The following REV1 variants were observed in gnomAD, a reference collection of about 807,000 sequenced individuals.
REV1 encodes the protein REV1 DNA directed polymerase.
A neutral mutation model predicts 137.4 loss-of-function variants in REV1; 42 were observed. The observed-to-expected ratio is 0.31, with a 90% CI of 0.24 to 0.40. The LOEUF is 0.40. Among genes scored for constraint, REV1 ranks in the 10% least tolerant of loss-of-function variants. REV1 has a pLI of 1.00. For synonymous variants in REV1, 524 were observed against 519.2 expected, an observed-to-expected ratio of 1.01 and a Z score of -0.12; for missense variants, 1,282 against 1,490.1, an observed-to-expected ratio of 0.86 and a Z score of 2.30.
intron 9 of REV1, chr2:99,424,897 G>A (rs1247905379): frequency 3.1e-6 from 4 of 1,299,514 alleles, no homozygotes; most frequent in African/African-American, 3.0e-5. Flanking sequence ...AACTTTGAGG[G>A]ACCTAATTGA....
chr2:99,401,897 C>CA (rs909708352), intron 22 of REV1, among the ~76,000 whole-genome samples: 11 of 151,842 alleles, frequency 7.2e-5, no homozygotes, highest in Admixed American at 1.3e-4. Context: ...GCACCACCAC[C>CA]CCCCCAGATT....
rs779427509 is a variant in REV1 at position 99,405,976 on chromosome 2, A to C, written c.2745T>G (p.Gly915=). Residue 915 remains glycine (G), a synonymous_variant, in exon 17 of 23, where the codon GGT becomes GGG. Transcript: ENST00000258428. ...ACTGCACACTGACAGGAGTATGTAG[A>C]CCATTCCATTTCCCTGAAGACTCAG... ...NKAESSGKWN[G]LHTPVSVQSR... is the part of the protein sequence containing the mutation. The C allele has an allele frequency of 6.2e-7, 1 of 1,614,034 alleles. No individual in the cohort carries two copies. Among genetic ancestry groups the C allele is most frequent in the Non-Finnish European group, 8.5e-7 (1 of 1,179,944 alleles).
intron 18 of REV1, 46 bp downstream of exon 18, chr2:99,404,398 G>A (rs570932158): frequency 1.9e-5 from 28 of 1,503,710 alleles, no homozygotes; most frequent in Middle Eastern, 3.4e-4. Flanking sequence ...GAGCAGGGGG[G>A]TGAGAATATT....
intron 2 of REV1, 59 bp from the exon 3 acceptor site, chr2:99,462,681 G>GAAA: frequency 7.2e-7 from 1 of 1,389,000 alleles, no homozygotes; most frequent in African/African-American, 1.5e-5. Context: ...CCCCTTTTTT[G>GAAA]AAAAAAAAAA....
intron 4 of REV1, among the ~76,000 whole-genome samples, chr2:99,445,102 C>T (rs1575124292): frequency 6.7e-6 from 1 of 149,988 alleles, no homozygotes; most frequent in African/African-American, 2.5e-5. Context: ...CTTACTCTTG[C>T]TTTGTCCTAC....
At position 99,429,965 on chromosome 2, in the gene REV1, A is replaced by T; in HGVS notation, c.1439-17T>A. On this transcript the variant is annotated splice_polypyrimidine_tract_variant and intron_variant, in intron 8 of 22. Transcript: ENST00000258428. Reference sequence around the variant, plus strand: ...GTATATCTGCTTTAAAAATAAAAAAAAATTAATGGTTATATGTTATAAACT... The same window carrying T: ...GTATATCTGCTTTAAAAATAAAAAATAATTAATGGTTATATGTTATAAACT... 1 of 1,468,154 alleles carries T rather than the reference A, an allele frequency of 6.8e-7. No individual in the cohort carries two copies. The highest frequency in any genetic ancestry group is 9.3e-7 in the Non-Finnish European group (1 of 1,076,508). 90.9% of individuals were successfully genotyped at this position (1,468,154 alleles called of 1,614,324 possible).
At chr2:99,446,292 C>A (rs910550046) in intron 4 of REV1, among the ~76,000 whole-genome samples, 2 of 152,042 alleles carry the variant, frequency 1.3e-5, no homozygotes, top group African/African-American at 4.8e-5. Flanking sequence ...AAAATGAGGC[C>A]CATAGGATAT....
At chr2:99,429,343 T>G (rs1679815388) in intron 9 of REV1, among the ~76,000 whole-genome samples, 1 of 152,170 alleles carries the variant, frequency 6.6e-6, no homozygotes, top group Non-Finnish European at 1.5e-5. Flanking sequence ...GCTAACAAGT[T>G]GACAACACTC....
intron 9 of REV1, among the ~76,000 whole-genome samples, chr2:99,427,578 T>C (rs1393961613): frequency 6.6e-6 from 1 of 152,164 alleles, no homozygotes; most frequent in African/African-American, 2.4e-5. Flanking sequence ...CCCCACAATC[T>C]AGTCCCCACT....
In REV1 at chr2:99,470,783, G is replaced by C. The variant is rs1212949716; in HGVS notation, c.-10-5798C>G. On this transcript the variant is annotated intron_variant, in intron 1 of 22. Transcript: ENST00000258428. ...TGGAAACCGGGCATAGCAGCAGGGT[G>C]GACGCATCAGGTTATAAATGACCCG... Among the ~76,000 whole-genome samples, 4 of 152,174 alleles carry C rather than the reference G, an allele frequency of 2.6e-5. No individual in the cohort carries two copies. In the East Asian group the frequency reaches 7.7e-4, roughly 29 times the overall value.
chr2:99,438,862 G>C lies in REV1; in HGVS notation c.952C>G (p.Gln318Glu). 1.2e-6 allele frequency: 2 copies of C among 1,614,218 alleles called. No homozygotes were observed. Among genetic ancestry groups the C allele is most frequent in the Non-Finnish European group, 1.7e-6 (2 of 1,180,042 alleles). ...GTGCTTTTTGTGCTTGAAGGCCCCT[G>C]AACAGTGGAGTGGTGAGCACCATTG... ...KINGAHHSTVQGPSSTKSTSS... is the reference protein window; with the variant it reads ...KINGAHHSTVEGPSSTKSTSS... The change falls in exon 6 of 23, where the codon CAG becomes GAG. Residue 318 changes from glutamine to glutamate, a missense_variant. Gln to Glu is a conservative substitution (Grantham distance 29). This residue lies in a region of REV1 where 432 missense variants were observed against 438.0 expected (regional missense o/e 0.99). Transcript: ENST00000258428.
At chr2:99,479,043 C>T (rs927283117) in intron 1 of REV1, among the ~76,000 whole-genome samples, 7 of 152,026 alleles carry the variant, frequency 4.6e-5, no homozygotes, top group South Asian at 2.1e-4. Flanking sequence ...AGATTGCAGG[C>T]GACAGGCTGG....
intron 7 of REV1, 60 bp from the exon 8 acceptor site, chr2:99,434,508 G>T: frequency 8.9e-7 from 1 of 1,125,516 alleles, no homozygotes; most frequent in South Asian, 1.8e-5. Context: ...CAACATGTAA[G>T]CAAAAATTTT....
intron 3 of REV1, among the ~76,000 whole-genome samples, chr2:99,460,532 A>AT (rs536908299): frequency 1.3e-5 from 2 of 152,174 alleles, no homozygotes; most frequent in Non-Finnish European, 2.9e-5. Flanking sequence ...AATAAAGCTT[A>AT]TTTTTTTAAA....
In REV1 at chr2:99,405,899, CA is replaced by C; in HGVS notation, c.2811+10del. 2.6e-6 allele frequency: 4 copies of C among 1,512,538 alleles called. No homozygotes were observed. Among genetic ancestry groups the C allele is most frequent in the Non-Finnish European group, 3.6e-6 (4 of 1,125,526 alleles). 93.7% of individuals were successfully genotyped at this position (1,512,538 alleles called of 1,614,324 possible). A position where few individuals can be genotyped will look rare whatever the true frequency, so the allele number is the denominator to read the frequency against. On this transcript the variant is annotated intron_variant, in intron 17 of 22. Transcript: ENST00000258428. ...TAAAATGTACTTATATTTAGGACTA[CA>C]AAAATGTACCTGGGAAGGTGACGGG...
intron 9 of REV1, among the ~76,000 whole-genome samples, chr2:99,428,494 G>T (rs1401691595): frequency 6.6e-6 from 1 of 152,068 alleles, no homozygotes; most frequent in African/African-American, 2.4e-5. Context: ...AAGTTAGCTG[G>T]GGAGGAAAAG....
chr2:99,419,589 G>A (rs145179632), intron 11 of REV1, among the ~76,000 whole-genome samples: 28 of 152,274 alleles, frequency 1.8e-4, no homozygotes, highest in South Asian at 4.1e-4. Context: ...CCAACCACAG[G>A]AGACAGAGGA....
intron 12 of REV1, among the ~76,000 whole-genome samples, chr2:99,414,686 A>C (rs1359266304): frequency 6.6e-6 from 1 of 152,208 alleles, no homozygotes; most frequent in East Asian, 1.9e-4. Context: ...ACTTCTTAAC[A>C]TCAGGGAAGA....
rs375524445 is a variant in REV1, at chr2:99,429,242, AGT to A, written c.1547+596_1547+597del. Among the ~76,000 whole-genome samples, 80 of 152,112 alleles carry A rather than the reference AGT, an allele frequency of 5.3e-4. 2 individuals carry two copies. In the South Asian group the frequency reaches 0.016, roughly 31 times the overall value. On this transcript the variant is annotated intron_variant, in intron 9 of 22. Coordinates refer to ENST00000258428, the MANE Select transcript of REV1 (RefSeq NM_016316.4). ...ATTATGAGGAAGATATATATATATG[AGT>A]GTGTGTGTGTTTCTTCCTATACTGA... is the stretch of plus-strand genomic sequence containing the variant.
Sources: gnomAD v4.1 joint callset for allele counts (sites outside exome capture counted in the v4.1 genomes callset) on GRCh38, gnomAD v4.1.1 for gene constraint, gnomAD v4.1.1 regional missense constraint, MANE v1.5 for transcripts, NCBI Gene and HGNC (gene_info 2026-07-23, HGNC 2026-07-21) for gene names.